CREB3L1: variants seen among roughly 807,000 people sequenced by gnomAD.
CREB3L1 encodes cAMP responsive element binding protein 3 like 1.
In CREB3L1, 33 loss-of-function variants were observed where a neutral mutation model predicts 54.5. The observed-to-expected ratio is 0.61, with a 90% CI of 0.46 to 0.81. The LOEUF (loss-of-function observed/expected upper bound fraction) is 0.81, where lower values mean the gene tolerates loss of function less well. Ranked by LOEUF, CREB3L1 falls within the 30% of genes least tolerant of loss-of-function variation. The pLI is 0.00. For missense variants in CREB3L1, 656 were observed against 673.3 expected (o/e 0.97, Z 0.29); for synonymous variants, 284 against 286.4 (o/e 0.99, Z 0.08).
chr11:46,307,030 C>T (rs920943215), intron 2 of CREB3L1, among the ~76,000 whole-genome samples: 5 of 152,008 alleles, frequency 3.3e-5, no homozygotes, highest in Admixed American at 1.3e-4. Context: ...AGGCACGTGC[C>T]GCCACAACTG....
rs751752437 is a variant in CREB3L1, at chr11:46,311,000, G to A, written c.596-32G>A. On this transcript the variant is annotated intron_variant, in intron 4 of 11. Coordinates refer to ENST00000621158, the MANE Select transcript of CREB3L1 (RefSeq NM_052854.4). ...TGTCCAAGTGGAGCTGATGTGCAAC[G>A]TTGCTAACTCGGTTTCCCCTGCTCT... 1.4e-5 allele frequency: 22 copies of A among 1,536,860 alleles called. No homozygotes were observed. The South Asian group carries it at 2.0e-4, about 14-fold the overall frequency.
intron 11 of CREB3L1, 35 bp downstream of exon 11, chr11:46,320,563 C>T (rs1471092187): frequency 4.5e-6 from 7 of 1,555,070 alleles, no homozygotes; most frequent in Non-Finnish European, 6.1e-6. Flanking sequence ...CCTGAGGTCT[C>T]AGGCTCCACC....
Position 46,278,204 on chromosome 11 carries a change from C to T in CREB3L1, c.93C>T (p.Leu31=). Residue 31 remains leucine, a synonymous_variant, in exon 1 of 12, where the codon CTC becomes CTT. Transcript: ENST00000621158. This position sits in a 1 kb window ranked among gnomAD's most constrained non-coding sequence, Gnocchi z 4.2. The part of the protein sequence containing the change: ...DLGDLNESDF[L]NNAHFPEHLD... ...GGGATCTGAACGAGTCGGACTTCCT[C>T]AACAATGCGGTAAGATGAAGGGTCT... The T allele has an allele frequency of 6.4e-7, 1 of 1,565,422 alleles. No individual in the cohort carries two copies. The highest frequency in any genetic ancestry group is 8.7e-7 in the Non-Finnish European group (1 of 1,154,342).
rs114011134 is a variant in CREB3L1, at chr11:46,319,979, T to C, written c.1259-285T>C. Among the ~76,000 whole-genome samples, 1,488 of 152,286 alleles carry C rather than the reference T, an allele frequency of 9.8e-3. 19 individuals are homozygous for C. Among genetic ancestry groups the C allele is most frequent in the African/African-American group, 0.034 (1,427 of 41,558 alleles). Reference sequence around the variant, plus strand: ...ACCCTCTGCTAGGAAGAGGTGACTTTTCTGAGTATTTCCTGAACACAGTTT... The same window carrying C: ...ACCCTCTGCTAGGAAGAGGTGACTTCTCTGAGTATTTCCTGAACACAGTTT... On this transcript the variant is annotated intron_variant, in intron 10 of 11. Coordinates refer to ENST00000621158, the MANE Select transcript of CREB3L1 (RefSeq NM_052854.4).
chr11:46,292,789 A>T (rs1168762067), intron 1 of CREB3L1, among the ~76,000 whole-genome samples: 1 of 151,374 alleles, frequency 6.6e-6, no homozygotes, highest in Non-Finnish European at 1.5e-5. Context: ...TAATATTTTT[A>T]AATTTTTTTT....
chr11:46,290,472 C>T (rs892944595), intron 1 of CREB3L1, among the ~76,000 whole-genome samples: 2 of 151,952 alleles, frequency 1.3e-5, no homozygotes, highest in Non-Finnish European at 2.9e-5. Flanking sequence ...TGCCCTCTGC[C>T]GCCCCAAGGC....
At position 46,309,997 on chromosome 11, in the gene CREB3L1, A is replaced by G; in HGVS notation, c.525A>G (p.Gly175=). The change falls in exon 4 of 12, where the codon GGA becomes GGG. Residue 175 remains glycine (G), a synonymous_variant. Transcript: ENST00000621158. The part of the protein sequence containing the change: ...SRLPIPHQAP[G]EMTQLPVIKA... ...GCTTGTCTGTTCCTCAGGCCCCGGG[A>G]GAGATGACTCAGCTGCCAGTGATCA... 6.2e-7 allele frequency: 1 copy of G among 1,601,000 alleles called. No homozygotes were observed. Among genetic ancestry groups the G allele is most frequent in the Non-Finnish European group, 8.5e-7 (1 of 1,174,150 alleles).
chr11:46,310,918 A>G, intron 4 of CREB3L1, 114 bp from the exon 5 acceptor site: 1 of 1,424,048 alleles, frequency 7.0e-7, no homozygotes, highest in Non-Finnish European at 9.2e-7. Context: ...AGCGCCTGGC[A>G]GTCCGTGTCC....
rs949764148 is a variant in CREB3L1 at position 46,295,519 on chromosome 11, G to A, written c.103-4416G>A. The stretch of plus-strand genomic sequence containing the variant: ...CATTTCTGCCTCGGCCCCAGACGCA[G>A]AAGGGGTCCCATGCAGGCCCGAGCC... On this transcript the variant is annotated intron_variant, in intron 1 of 11. Transcript: ENST00000621158. The surrounding 1 kb of genome is among the most constrained non-coding windows in gnomAD (Gnocchi z 4.6). Among the ~76,000 whole-genome samples, 2 of 152,212 alleles carry A rather than the reference G, an allele frequency of 1.3e-5. No individual in the cohort carries two copies. Among genetic ancestry groups the A allele is most frequent in the African/African-American group, 4.8e-5 (2 of 41,460 alleles).
intron 1 of CREB3L1, among the ~76,000 whole-genome samples, chr11:46,296,724 C>T (rs1054415005): frequency 6.6e-6 from 1 of 152,182 alleles, no homozygotes; most frequent in Non-Finnish European, 1.5e-5. Flanking sequence ...AGGACCTGGG[C>T]GTCGGAGTGT....
chr11:46,287,610 T>C (rs1361880205), intron 1 of CREB3L1, among the ~76,000 whole-genome samples: 2 of 152,074 alleles, frequency 1.3e-5, no homozygotes, highest in African/African-American at 2.4e-5. Flanking sequence ...AATTTTTAAT[T>C]TTTGTGGGTA....
At chr11:46,315,161 T>C (rs1590351935) in intron 8 of CREB3L1, 1 of 310,222 alleles carries the variant, frequency 3.2e-6, no homozygotes, top group Non-Finnish European at 6.6e-6. Flanking sequence ...TTTCCTTCCT[T>C]CTCCCCCAGC....
chr11:46,309,470 T>C (rs1258419534), intron 3 of CREB3L1, among the ~76,000 whole-genome samples: 2 of 152,222 alleles, frequency 1.3e-5, no homozygotes, highest in Non-Finnish European at 2.9e-5. Context: ...AGCCCTTACT[T>C]CAACCCATTA....
chr11:46,318,297 G>C (rs1004409991), intron 10 of CREB3L1, among the ~76,000 whole-genome samples: 1 of 152,176 alleles, frequency 6.6e-6, no homozygotes, highest in Non-Finnish European at 1.5e-5. Context: ...TGTCTACCAT[G>C]GACAGAAGAA....
chr11:46,287,441 G>A (rs1163083089), intron 1 of CREB3L1, among the ~76,000 whole-genome samples: 1 of 152,044 alleles, frequency 6.6e-6, no homozygotes, highest in Admixed American at 6.6e-5. Context: ...TAGGACTACA[G>A]GGACATACCA....
At chr11:46,316,196 A>C (rs1056145310) in intron 8 of CREB3L1, 90 bp from the exon 9 acceptor site, 6 of 789,068 alleles carry the variant, frequency 7.6e-6, no homozygotes, top group African/African-American at 1.7e-5. Context: ...CGTGGAGGCC[A>C]AGTCTGGAGC....
At chr11:46,280,157 ACTTTT>A (rs751706630) in intron 1 of CREB3L1, among the ~76,000 whole-genome samples, 12 of 148,684 alleles carry the variant, frequency 8.1e-5, no homozygotes, top group Non-Finnish European at 1.2e-4. Context: ...CAGAAAAGTG[ACTTTT>A]CTTTTCTTGT....
chr11:46,302,159 C>G (rs935908016), intron 2 of CREB3L1, among the ~76,000 whole-genome samples: 23 of 139,140 alleles, frequency 1.7e-4, no homozygotes, highest in Non-Finnish European at 3.0e-4. Context: ...CAGAGCGAGG[C>G]TCCGTCTCAA....
chr11:46,301,531 A>G (rs939793414), intron 2 of CREB3L1, among the ~76,000 whole-genome samples: 16 of 151,816 alleles, frequency 1.1e-4, no homozygotes, highest in Middle Eastern at 3.4e-3. Flanking sequence ...CCTCCATTAC[A>G]TGCTGCCTGT....
Sources: allele counts gnomAD v4.1 joint callset (sites outside exome capture counted in the v4.1 genomes callset), GRCh38; gene constraint gnomAD v4.1.1; non-coding constraint Gnocchi (gnomAD v3.1); transcripts MANE v1.5; gene names NCBI Gene and HGNC (gene_info 2026-07-23, HGNC 2026-07-21).